Variants in DOP1B observed in about 807,000 individuals in gnomAD.
DOP1B encodes DOP1 leucine zipper like protein B.
A neutral mutation model predicts 233.5 loss-of-function variants in DOP1B; 174 were observed. The ratio of observed to expected loss-of-function variants is 0.75; its 90% confidence interval spans 0.66 to 0.85. The LOEUF (loss-of-function observed/expected upper bound fraction) is 0.85, where lower values mean the gene tolerates loss of function less well. Ranked by LOEUF, DOP1B falls within the 40% of genes least tolerant of loss-of-function variation. The pLI is 0.00. For synonymous variants in DOP1B, 1,190 were observed against 1,185.6 expected (o/e 1.00, Z -0.08); for missense variants, 2,652 against 2,846.6 (o/e 0.93, Z 1.56).
In DOP1B at chr21:36,245,066, T is replaced by G; in HGVS notation, c.3086T>G (p.Phe1029Cys). The G allele has an allele frequency of 6.3e-7, 1 of 1,596,952 alleles. No homozygotes were observed. The stretch of plus-strand genomic sequence containing the variant: ...TTTTCAGATGACTTGCACCGTTGGT[T>G]TAACAGGAAGAAAACCTCTTTCAGA... ...ENSADDLHRW[F>C]NRKKTSFREA... The change falls in exon 19 of 37, where the codon TTT becomes TGT. Residue 1029 changes from phenylalanine to cysteine, a missense_variant. Phe to Cys is a radical substitution (Grantham distance 205). This residue lies in a region of DOP1B where 2,617 missense variants were observed against 2,794.3 expected (regional missense o/e 0.94). Transcript: ENST00000691173. The surrounding 1 kb of genome is among the most constrained non-coding windows in gnomAD (Gnocchi z 5.5).
chr21:36,260,148 T>A (rs1378844371), intron 23 of DOP1B, among the ~76,000 whole-genome samples: 10 of 79,980 alleles, frequency 1.3e-4, no homozygotes, highest in Admixed American at 8.5e-4. Flanking sequence ...AGAGCAAGAC[T>A]CTTGTAAAAA....
intron 2 of DOP1B, among the ~76,000 whole-genome samples, chr21:36,195,207 G>A (rs535359232): frequency 1.5e-4 from 23 of 152,058 alleles, no homozygotes; most frequent in Non-Finnish European, 2.9e-4. Context: ...CAGGTGTGGT[G>A]GCACATGCCT....
intron 23 of DOP1B, among the ~76,000 whole-genome samples, chr21:36,258,824 C>T (rs2067136686): frequency 6.6e-6 from 1 of 152,182 alleles, no homozygotes. Context: ...AATAACAGCA[C>T]TGCGAGGCCA....
Position 36,219,450 on chromosome 21 carries a change from A to T in DOP1B, c.1208A>T (p.Asp403Val). ...YSYCRDALGS[D>V]LKLSYTQSGN... ...TACTGCAGAGATGCCCTTGGCTCTG[A>T]TCTTAAACTTAGCTACACCCAGAGT... The change falls in exon 10 of 37, where the codon GAT (aspartate) becomes GTT (valine). Residue 403 changes from aspartate to valine, a missense_variant. By Grantham distance (152) the Asp-to-Val change is radical (BLOSUM62 -3). This residue lies in a region of DOP1B where 2,617 missense variants were observed against 2,794.3 expected (regional missense o/e 0.94). Coordinates refer to ENST00000691173, the MANE Select transcript of DOP1B (RefSeq NM_001320714.2). The T allele has an allele frequency of 6.2e-7, 1 of 1,614,122 alleles. No homozygotes were observed. The highest frequency in any genetic ancestry group is 8.5e-7 in the Non-Finnish European group (1 of 1,180,034).
intron 13 of DOP1B, 74 bp from the exon 14 acceptor site, chr21:36,230,376 T>G (rs904433604): frequency 1.4e-6 from 2 of 1,451,364 alleles, no homozygotes; most frequent in Non-Finnish European, 1.9e-6. Flanking sequence ...TTGAAATACA[T>G]TCATGATTTC....
chr21:36,202,892 T>A (rs1250290471), intron 4 of DOP1B, among the ~76,000 whole-genome samples: 1 of 152,192 alleles, frequency 6.6e-6, no homozygotes. Flanking sequence ...GCCAATGGAC[T>A]CCTAATCCCA....
intron 24 of DOP1B, among the ~76,000 whole-genome samples, chr21:36,262,748 G>A (rs1210350104): frequency 6.6e-6 from 1 of 151,858 alleles, no homozygotes; most frequent in African/African-American, 2.4e-5. Context: ...CAAAAAATTA[G>A]CCCAGTGTGT....
intron 2 of DOP1B, among the ~76,000 whole-genome samples, chr21:36,166,211 C>T (rs893663354): frequency 3.3e-5 from 5 of 151,414 alleles, no homozygotes; most frequent in Admixed American, 6.6e-5. Context: ...AGGTGAGTGG[C>T]GGATCACAAA....
At chr21:36,293,036 A>G (rs1185880791) in intron 36 of DOP1B, among the ~76,000 whole-genome samples, 1 of 151,986 alleles carries the variant, frequency 6.6e-6, no homozygotes, top group Non-Finnish European at 1.5e-5. Flanking sequence ...GTGAAACTCC[A>G]TCTCTACAAA....
intron 32 of DOP1B, among the ~76,000 whole-genome samples, chr21:36,284,854 C>T (rs1270730362): frequency 2.0e-5 from 3 of 149,744 alleles, no homozygotes; most frequent in African/African-American, 7.3e-5. Context: ...AATTATATGA[C>T]ATTGTAACAT....
chr21:36,230,922 A>C lies in DOP1B; in HGVS notation c.2138A>C (p.Glu713Ala), dbSNP rs2066756847. Residue 713 changes from glutamate to alanine, a missense_variant, in exon 14 of 37, where the codon GAG becomes GCG. Glu to Ala is a moderately radical substitution (Grantham distance 107). Around this residue, in one of 3 missense-constraint regions of DOP1B, gnomAD observed 2,617 missense variants for 2,794.3 expected, o/e 0.94. Transcript: ENST00000691173. ...TCTCCATTCAAGACAAAAAGTTCAG[A>C]GTCACCATCGTCTTCGCCCAGCAGC... is the stretch of plus-strand genomic sequence containing the variant. ...RGSPFKTKSS[E>A]SPSSSPSSPA... 6.2e-7 allele frequency: 1 copy of C among 1,614,040 alleles called. No homozygotes were observed. Among genetic ancestry groups the C allele is most frequent in the African/African-American group, 1.3e-5 (1 of 74,898 alleles).
Position 36,233,004 on chromosome 21 carries a change from C to T in DOP1B, c.2551C>T (p.Gln851Ter). Residue 851 changes from glutamine to a stop codon, truncating the protein, a stop_gained, in exon 15 of 37, where the codon CAG (glutamine) becomes TAG (stop). Coordinates refer to ENST00000691173, the MANE Select transcript of DOP1B (RefSeq NM_001320714.2). LOFTEE classifies it high-confidence loss of function. The stretch of plus-strand genomic sequence containing the variant: ...ACACAACCCTTTTTTTGGCAAGCTG[C>T]AGATGGTGACGGTTCCTCCCATTGC... ...SGHNPFFGKL[Q>*]MVTVPPIAPG... 1 of 1,614,122 alleles carries T rather than the reference C, an allele frequency of 6.2e-7. No homozygotes were observed. Among genetic ancestry groups the T allele is most frequent in the East Asian group, 2.2e-5 (1 of 44,870 alleles).
intron 2 of DOP1B, among the ~76,000 whole-genome samples, chr21:36,190,964 G>A (rs562773783): frequency 3.9e-5 from 6 of 152,320 alleles, no homozygotes; most frequent in South Asian, 4.1e-4. Flanking sequence ...GGAGAGGGAT[G>A]ACAGTGACAT....
At chr21:36,167,940 C>CTTTTTTTTTTTTTTTTTTTTTTTTTTTTT (rs869190433) in intron 2 of DOP1B, among the ~76,000 whole-genome samples, 3 of 40,012 alleles carry the variant, frequency 7.5e-5, no homozygotes, top group African/African-American at 7.2e-5. Context: ...TTTTCTTTTT[C>CTTTTTTTTTTTTTTTTTTTTTTTTTTTTT]TTTTTTTTTT....
At chr21:36,205,216 C>G (rs1308202103) in intron 4 of DOP1B, among the ~76,000 whole-genome samples, 1 of 152,208 alleles carries the variant, frequency 6.6e-6, no homozygotes, top group African/African-American at 2.4e-5. Flanking sequence ...CGGTGCCCGG[C>G]CCATGCCACT....
In DOP1B at chr21:36,282,600, G is replaced by T. The variant is rs564243378; in HGVS notation, c.6160+989G>T. On this transcript the variant is annotated intron_variant, in intron 32 of 36. Transcript: ENST00000691173. ...AGCACCTTCAGCTGAGGCCAGGGAAGGGGCAAGATTTTGGAGAAGGATCTA... is the reference window on the plus strand; with the variant it reads ...AGCACCTTCAGCTGAGGCCAGGGAATGGGCAAGATTTTGGAGAAGGATCTA... Among the ~76,000 whole-genome samples the T allele has an allele frequency of 3.3e-5, 5 of 152,290 alleles. No homozygotes were observed. The South Asian group carries it at 1.0e-3, about 32-fold the overall frequency.
chr21:36,250,317 A>G (rs964173945), intron 21 of DOP1B, among the ~76,000 whole-genome samples: 1 of 152,194 alleles, frequency 6.6e-6, no homozygotes, highest in Non-Finnish European at 1.5e-5. Context: ...GCCTGCTGCC[A>G]CGCACCAGGC....
chr21:36,283,365 G>A (rs988913190), intron 32 of DOP1B, among the ~76,000 whole-genome samples: 4 of 152,148 alleles, frequency 2.6e-5, no homozygotes, highest in African/African-American at 9.7e-5. Context: ...TTACAGGCAT[G>A]AGCCACCGCA....
chr21:36,248,612 A>C, intron 21 of DOP1B, 44 bp downstream of exon 21: 1 of 1,543,150 alleles, frequency 6.5e-7, no homozygotes, highest in East Asian at 2.3e-5. Context: ...TTGGTCTTGT[A>C]TTGTTCCACC....
Sources: allele counts gnomAD v4.1 joint callset (sites outside exome capture counted in the v4.1 genomes callset), GRCh38; gene constraint gnomAD v4.1.1; regional missense constraint gnomAD v4.1.1; non-coding constraint Gnocchi (gnomAD v3.1); transcripts MANE v1.5; gene names NCBI Gene and HGNC (gene_info 2026-07-23, HGNC 2026-07-21).